The following ARMC8 variants were observed in gnomAD, a reference collection of about 807,000 sequenced individuals.
ARMC8 encodes armadillo repeat-containing protein 8.
In ARMC8, 20 loss-of-function variants were observed where a neutral mutation model predicts 99.3. The observed-to-expected ratio is 0.20, with a 90% confidence interval of 0.14 to 0.29. The LOEUF (loss-of-function observed/expected upper bound fraction) is 0.29. Among genes scored for constraint, ARMC8 ranks in the 10% least tolerant of loss-of-function variants. The pLI, the probability that ARMC8 is intolerant of heterozygous loss-of-function variation, is 1.00. For synonymous variants in ARMC8, 263 were observed against 278.3 expected (o/e 0.95, Z 0.55); for missense variants, 569 against 809.5 (o/e 0.70, Z 3.60).
chr3:138,278,989 A>G (rs2049596279), intron 18 of ARMC8, among the ~76,000 whole-genome samples: 1 of 152,098 alleles, frequency 6.6e-6, no homozygotes, highest in African/African-American at 2.4e-5. Flanking sequence ...AAATAGCTTT[A>G]TTTCTTACTT....
chr3:138,187,398 C>A lies in ARMC8; in HGVS notation c.-157C>A. On this transcript the variant is annotated 5_prime_UTR_variant, in exon 1 of 22. Transcript: ENST00000469044. The stretch of plus-strand genomic sequence containing the variant: ...CCATTCCCTTTTGCCCTTCTTTCTG[C>A]GGGCCTTTCCGGTACTTGAGCGGTG... 2 of 661,304 alleles carry A rather than the reference C, an allele frequency of 3.0e-6. No individual in the cohort carries two copies. The highest frequency in any genetic ancestry group is 3.7e-5 in the South Asian group (2 of 53,856). The allele number at this position is 661,304 out of a possible 1,614,324, so 41.0% of individuals were successfully genotyped here.
At chr3:138,211,785 C>G (rs2044707986) in intron 2 of ARMC8, among the ~76,000 whole-genome samples, 3 of 152,274 alleles carry the variant, frequency 2.0e-5, no homozygotes, top group Middle Eastern at 3.4e-3. Flanking sequence ...AAAGATAACA[C>G]TGCCCATATT....
intron 1 of ARMC8, among the ~76,000 whole-genome samples, chr3:138,203,134 AGGT>A (rs1354858572): frequency 6.6e-6 from 1 of 152,224 alleles, no homozygotes; most frequent in African/African-American, 2.4e-5. Flanking sequence ...GACAAACAAA[AGGT>A]GGGATTGATT....
chr3:138,271,798 C>CTTTCTTTTTTTTTTTTTTTTTTTTTTTTT (rs1018824241), intron 16 of ARMC8, among the ~76,000 whole-genome samples: 1 of 136,134 alleles, frequency 7.3e-6, no homozygotes, highest in African/African-American at 2.8e-5. Context: ...TTTTTTCTTT[C>CTTTCTTTTTTTTTTTTTTTTTTTTTTTTT]TTTTTTTTTT....
chr3:138,190,148 C>A (rs955945783), intron 1 of ARMC8, among the ~76,000 whole-genome samples: 1 of 152,096 alleles, frequency 6.6e-6, no homozygotes, highest in Non-Finnish European at 1.5e-5. Context: ...CAGTGCAAGT[C>A]CATGTCTACT....
chr3:138,222,424 T>A (rs2045454330), intron 3 of ARMC8, among the ~76,000 whole-genome samples: 1 of 152,226 alleles, frequency 6.6e-6, no homozygotes, highest in Admixed American at 6.5e-5. Context: ...TTTTAACTTC[T>A]GATTTTTACA....
At chr3:138,191,712 A>G (rs1302943655) in intron 1 of ARMC8, among the ~76,000 whole-genome samples, 2 of 152,160 alleles carry the variant, frequency 1.3e-5, no homozygotes, top group East Asian at 3.8e-4. Context: ...CTCCATCTCT[A>G]TAATGTTGTC....
chr3:138,291,453 C>T (rs1241425865), intron 21 of ARMC8, among the ~76,000 whole-genome samples: 1 of 152,202 alleles, frequency 6.6e-6, no homozygotes, highest in Non-Finnish European at 1.5e-5. Context: ...TCAGATATCT[C>T]TTTTGAATAC....
intron 1 of ARMC8, among the ~76,000 whole-genome samples, chr3:138,191,911 G>A (rs1003474468): frequency 6.6e-6 from 1 of 152,158 alleles, no homozygotes; most frequent in Non-Finnish European, 1.5e-5. Context: ...CCTGTTGGGC[G>A]TTTTGGTTGC....
At chr3:138,203,808 G>A (rs2044212073) in intron 1 of ARMC8, among the ~76,000 whole-genome samples, 1 of 152,206 alleles carries the variant, frequency 6.6e-6, no homozygotes, top group South Asian at 2.1e-4. Flanking sequence ...ATTACCTGTT[G>A]CTGTTTTTGT....
intron 18 of ARMC8, among the ~76,000 whole-genome samples, chr3:138,284,186 A>G (rs1484704647): frequency 1.3e-5 from 2 of 152,244 alleles, no homozygotes; most frequent in African/African-American, 4.8e-5. Flanking sequence ...TTGACCAGCT[A>G]TGGCTTCCCA....
chr3:138,293,378 A>G (rs936784529), intron 21 of ARMC8, among the ~76,000 whole-genome samples: 1 of 152,148 alleles, frequency 6.6e-6, no homozygotes, highest in Non-Finnish European at 1.5e-5. Flanking sequence ...CGTCTCTACT[A>G]AACTCCAAAA....
At chr3:138,223,329 T>C (rs987659705) in intron 3 of ARMC8, 60 bp from the exon 4 acceptor site, 2 of 1,542,708 alleles carry the variant, frequency 1.3e-6, no homozygotes, top group African/African-American at 2.8e-5. Flanking sequence ...CCTTTTTTGG[T>C]CACATTGAGT....
At chr3:138,201,946 A>G (rs898075215) in intron 1 of ARMC8, among the ~76,000 whole-genome samples, 14 of 152,188 alleles carry the variant, frequency 9.2e-5, no homozygotes, top group African/African-American at 3.1e-4. Flanking sequence ...GCTTGTTTAC[A>G]TGGTGTTTCC....
At chr3:138,230,139 G>A (rs1348001297) in intron 6 of ARMC8, among the ~76,000 whole-genome samples, 4 of 152,198 alleles carry the variant, frequency 2.6e-5, no homozygotes, top group Admixed American at 6.5e-5. Flanking sequence ...CGTTGACAAA[G>A]TGTGGGCCAA....
intron 21 of ARMC8, among the ~76,000 whole-genome samples, chr3:138,294,759 C>A (rs569799639): frequency 6.6e-6 from 1 of 152,256 alleles, no homozygotes; most frequent in South Asian, 2.1e-4. Context: ...AGAAACTTTA[C>A]CATGTTTGTG....
In ARMC8 at chr3:138,211,092, G is replaced by A. The variant is rs185580800; in HGVS notation, c.122+1199G>A. On this transcript the variant is annotated intron_variant, in intron 2 of 21. Transcript: ENST00000469044. ...TTTTAGACTAGTTTAATTATTACCA[G>A]GAAAAATGGTTTATTAAATCCATCT... Among the ~76,000 whole-genome samples, 8 of 152,204 alleles carry A rather than the reference G, an allele frequency of 5.3e-5. No homozygotes were observed. The East Asian group carries it at 1.3e-3, about 26-fold the overall frequency.
intron 21 of ARMC8, among the ~76,000 whole-genome samples, chr3:138,292,446 G>A (rs774087987): frequency 2.6e-5 from 4 of 152,320 alleles, no homozygotes; most frequent in South Asian, 2.1e-4. Context: ...TAATAATGTC[G>A]GTAAGGGAGT....
chr3:138,265,191 C>T (rs1010222215), intron 14 of ARMC8, among the ~76,000 whole-genome samples: 1 of 152,084 alleles, frequency 6.6e-6, no homozygotes, highest in Non-Finnish European at 1.5e-5. Flanking sequence ...AGCCACCATG[C>T]CTGACCCCTG....
Sources: allele counts gnomAD v4.1 joint callset (sites outside exome capture counted in the v4.1 genomes callset), GRCh38; gene constraint gnomAD v4.1.1; transcripts MANE v1.5; gene names NCBI Gene and HGNC (gene_info 2026-07-23, HGNC 2026-07-21).